CDC42BPA: variants seen among roughly 807,000 people sequenced by gnomAD.
The protein encoded by CDC42BPA is CDC42 binding protein kinase alpha.
In CDC42BPA, 80 loss-of-function variants were observed where a neutral mutation model predicts 223.5. That is an observed-to-expected ratio of 0.36 (90% CI 0.30 to 0.43). CDC42BPA has a LOEUF of 0.43. Among genes scored for constraint, CDC42BPA ranks in the 20% least tolerant of loss-of-function variants. CDC42BPA has a pLI of 1.00. For missense variants in CDC42BPA, 1,743 were observed against 2,099.9 expected (o/e 0.83, Z 3.32); for synonymous variants, 694 against 718.6 (o/e 0.97, Z 0.55).
chr1:227,232,212 T>C (rs1049047606), intron 2 of CDC42BPA, among the ~76,000 whole-genome samples: 4 of 152,240 alleles, frequency 2.6e-5, no homozygotes, highest in African/African-American at 9.6e-5. Flanking sequence ...GCTAGCCGGT[T>C]TTCCCAGCAC....
chr1:227,010,062 A>G (rs1045302968), intron 34 of CDC42BPA, among the ~76,000 whole-genome samples: 1 of 152,222 alleles, frequency 6.6e-6, no homozygotes, highest in Non-Finnish European at 1.5e-5. Context: ...AACTAACTTC[A>G]GAAAATGTTC....
intron 6 of CDC42BPA, among the ~76,000 whole-genome samples, chr1:227,155,316 A>C (rs944263925): frequency 6.6e-6 from 1 of 152,212 alleles, no homozygotes; most frequent in African/African-American, 2.4e-5. Context: ...TAAGAGGAAA[A>C]TAGTTTCAAA....
At chr1:227,065,154 A>G (rs989094244) in intron 21 of CDC42BPA, among the ~76,000 whole-genome samples, 1 of 151,366 alleles carries the variant, frequency 6.6e-6, no homozygotes, top group Admixed American at 6.6e-5. Context: ...ATCTGTCCTA[A>G]AGAATATTTT....
intron 21 of CDC42BPA, among the ~76,000 whole-genome samples, chr1:227,062,694 A>G (rs1216647628): frequency 6.6e-6 from 1 of 152,160 alleles, no homozygotes; most frequent in African/African-American, 2.4e-5. Context: ...TCCACATTGC[A>G]TAGTGTGTAA....
intron 2 of CDC42BPA, among the ~76,000 whole-genome samples, chr1:227,246,000 G>C (rs1426961592): frequency 6.6e-6 from 1 of 152,202 alleles, no homozygotes; most frequent in Non-Finnish European, 1.5e-5. Flanking sequence ...CAAAAGGCAG[G>C]CTTTTCAGAT....
Position 226,994,444 on chromosome 1 carries a change from A to C in CDC42BPA, c.5134-45T>G, listed in dbSNP as rs1661167797. ...ACATTAATGAGAAGGAGGGGGAGAA[A>C]GGGAGGCAGAAGGGGCTCAGATTAC... On this transcript the variant is annotated intron_variant, in intron 36 of 36. Transcript: ENST00000366766. This position sits in a 1 kb window ranked among gnomAD's most constrained non-coding sequence, Gnocchi z 4.0. 6.9e-7 allele frequency: 1 copy of C among 1,459,286 alleles called. No individual in the cohort carries two copies. 90.4% of individuals were successfully genotyped at this position (1,459,286 alleles called of 1,614,324 possible).
intron 1 of CDC42BPA, among the ~76,000 whole-genome samples, chr1:227,279,505 T>C (rs138752487): frequency 4.3e-4 from 66 of 152,170 alleles, no homozygotes; most frequent in African/African-American, 1.6e-3. Flanking sequence ...AAAATTAAAG[T>C]TGAGATATTT....
chr1:227,119,664 A>T, intron 12 of CDC42BPA, 140 bp downstream of exon 12: 2 of 527,534 alleles, frequency 3.8e-6, no homozygotes, highest in South Asian at 1.3e-4. Flanking sequence ...CACCAAAATA[A>T]TCCTAAATTT....
chr1:227,136,171 T>C (rs540808843), intron 10 of CDC42BPA, among the ~76,000 whole-genome samples: 62 of 151,846 alleles, frequency 4.1e-4, no homozygotes, highest in Non-Finnish European at 5.4e-4. Context: ...CATAAAAATA[T>C]GGGGAAATTT....
At chr1:227,293,613 G>A (rs1690089708) in intron 1 of CDC42BPA, among the ~76,000 whole-genome samples, 1 of 150,518 alleles carries the variant, frequency 6.6e-6, no homozygotes, top group South Asian at 2.1e-4. Flanking sequence ...ATCACCTGAG[G>A]TCGGGAGTTT....
chr1:227,021,093 A>T (rs1667283043), intron 32 of CDC42BPA, among the ~76,000 whole-genome samples: 1 of 152,228 alleles, frequency 6.6e-6, no homozygotes, highest in African/African-American at 2.4e-5. Context: ...CAAAACAATT[A>T]CAATAACCTC....
At chr1:227,253,641 T>C (rs571446739) in intron 2 of CDC42BPA, among the ~76,000 whole-genome samples, 1 of 116,474 alleles carries the variant, frequency 8.6e-6, no homozygotes, top group East Asian at 1.9e-4. Context: ...CATACATACA[T>C]ACATACATTC....
At chr1:227,143,112 T>C in intron 8 of CDC42BPA, 88 bp from the exon 9 acceptor site, 1 of 774,306 alleles carries the variant, frequency 1.3e-6, no homozygotes, top group Non-Finnish European at 1.9e-6. Flanking sequence ...AAAAGAAATA[T>C]TTAAAAAAAA....
At chr1:227,286,768 A>G (rs1688873841) in intron 1 of CDC42BPA, among the ~76,000 whole-genome samples, 1 of 152,214 alleles carries the variant, frequency 6.6e-6, no homozygotes. Flanking sequence ...GCTGTACAAA[A>G]AAGCATGGCA....
chr1:227,072,192 AC>A lies in CDC42BPA; in HGVS notation c.2827+15del. On this transcript the variant is annotated intron_variant, in intron 20 of 36. Coordinates refer to ENST00000366766, the MANE Select transcript of CDC42BPA (RefSeq NM_001394014.1). ...TAACAGTAAGTCCTGAGTGAGGCAAACACACACTCCCATACCCTTTTCAGAT... is the reference window on the plus strand; with the variant it reads ...TAACAGTAAGTCCTGAGTGAGGCAAAACACACTCCCATACCCTTTTCAGAT... 6.9e-7 allele frequency: 1 copy of A among 1,456,858 alleles called. No homozygotes were observed. The highest frequency in any genetic ancestry group is 9.5e-7 in the Non-Finnish European group (1 of 1,054,276). The allele number at this position is 1,456,858 out of a possible 1,614,324, so 90.2% of individuals were successfully genotyped here. A position where few individuals can be genotyped will look rare whatever the true frequency, so the allele number is the denominator to read the frequency against.
In CDC42BPA at chr1:227,228,843, T is replaced by G. The variant is rs563647588; in HGVS notation, c.271-15624A>C. Among the ~76,000 whole-genome samples the G allele has an allele frequency of 1.0e-3, 159 of 152,318 alleles. 1 individual carries two copies. The highest frequency in any genetic ancestry group is 1.5e-3 in the Non-Finnish European group (104 of 68,034). ...TATAACTTCTTTGGAGAAACAGCTA[T>G]CCAAATCACTCATCAATTTTTAAAT... On this transcript the variant is annotated intron_variant, in intron 2 of 36. Transcript: ENST00000366766.
In CDC42BPA at chr1:227,073,886, C is replaced by T; in HGVS notation, c.2713G>A (p.Ala905Thr). ...TACCATTCTGTTATGATATTAGATG[C>T]TTTAACTTTATTCAACTCTTCTTGG... ...AIQEELNKVKASNIITECKLK... is the reference protein window; with the variant it reads ...AIQEELNKVKTSNIITECKLK... Residue 905 changes from alanine to threonine, a missense_variant, in exon 19 of 37, where the codon GCA becomes ACA. Coordinates refer to ENST00000366766, the MANE Select transcript of CDC42BPA (RefSeq NM_001394014.1). The T allele has an allele frequency of 2.4e-5, 38 of 1,603,440 alleles. No individual in the cohort carries two copies. The highest frequency in any genetic ancestry group is 3.2e-5 in the Non-Finnish European group (38 of 1,176,790).
chr1:227,081,117 A>G, intron 16 of CDC42BPA, 100 bp from the exon 17 acceptor site: 1 of 1,129,248 alleles, frequency 8.9e-7, no homozygotes, highest in Admixed American at 2.0e-5. Context: ...CATCTACCCA[A>G]AAATGCCTGT....
chr1:227,239,166 A>G (rs1414352128), intron 2 of CDC42BPA, among the ~76,000 whole-genome samples: 1 of 152,218 alleles, frequency 6.6e-6, no homozygotes, highest in Non-Finnish European at 1.5e-5. Context: ...AGAAAAGCCA[A>G]TCTGAACAGG....
Sources: allele counts gnomAD v4.1 joint callset (sites outside exome capture counted in the v4.1 genomes callset), GRCh38; gene constraint gnomAD v4.1.1; non-coding constraint Gnocchi (gnomAD v3.1); transcripts MANE v1.5; gene names NCBI Gene and HGNC (gene_info 2026-07-23, HGNC 2026-07-21).